Variants in CADM2 observed in about 807,000 individuals in gnomAD.
CADM2 encodes the protein immunoglobulin superfamily member 4D.
CADM2 carries 12 observed loss-of-function variants against 49.8 expected under a neutral mutation model. That is an observed-to-expected ratio of 0.24 (90% confidence interval 0.15 to 0.39). CADM2 has a LOEUF of 0.39. Among genes scored for constraint, CADM2 ranks in the 10% least tolerant of loss-of-function variants. CADM2 has a pLI of 1.00. For synonymous variants in CADM2, 214 were observed against 175.4 expected (o/e 1.22, Z -1.74); for missense variants, 378 against 492.3 (o/e 0.77, Z 2.20).
chr3:85,450,637 CTGTGAAATCT>C (rs1363998429), intron 1 of CADM2, among the ~76,000 whole-genome samples: 31 of 151,950 alleles, frequency 2.0e-4, no homozygotes, highest in South Asian at 4.1e-4. Flanking sequence ...TATTTTGCTC[CTGTGAAATCT>C]TGTGATTTTC....
At chr3:85,532,095 T>G (rs933907788) in intron 1 of CADM2, among the ~76,000 whole-genome samples, 2 of 152,100 alleles carry the variant, frequency 1.3e-5, no homozygotes, top group Admixed American at 6.6e-5. Context: ...GAGAATGGCG[T>G]GAACCCAGGA....
chr3:85,774,921 T>A (rs1432497891), intron 2 of CADM2, among the ~76,000 whole-genome samples: 1 of 151,680 alleles, frequency 6.6e-6, no homozygotes, highest in Non-Finnish European at 1.5e-5. Flanking sequence ...TGTATATAGT[T>A]AAATCATTGC....
chr3:85,694,486 A>G (rs1190095544), intron 1 of CADM2, among the ~76,000 whole-genome samples: 2 of 152,200 alleles, frequency 1.3e-5, no homozygotes, highest in African/African-American at 4.8e-5. Flanking sequence ...CAGAACTATG[A>G]GAAAATAAAT....
chr3:85,744,311 T>C (rs1214474597), intron 2 of CADM2, among the ~76,000 whole-genome samples: 2 of 152,130 alleles, frequency 1.3e-5, no homozygotes, highest in Non-Finnish European at 2.9e-5. Flanking sequence ...CACAATGGGG[T>C]AACTAAATTC....
At position 85,514,445 on chromosome 3, in the gene CADM2, A is replaced by G. The variant is rs997984211; in HGVS notation, c.62-212077A>G. Reference sequence around the variant, plus strand: ...ATTAGAGAATTCTGATCAAGGTTTTACTGGGCAGAGAATATCTTTGAAATG... The same window carrying G: ...ATTAGAGAATTCTGATCAAGGTTTTGCTGGGCAGAGAATATCTTTGAAATG... On this transcript the variant is annotated intron_variant, in intron 1 of 9. Transcript: ENST00000383699. Among the ~76,000 whole-genome samples the G allele has an allele frequency of 5.9e-5, 9 of 152,232 alleles. No individual in the cohort carries two copies. The East Asian group carries it at 1.7e-3, about 29-fold the overall frequency.
At chr3:85,502,406 G>C (rs1433310680) in intron 1 of CADM2, among the ~76,000 whole-genome samples, 1 of 151,964 alleles carries the variant, frequency 6.6e-6, no homozygotes, top group Non-Finnish European at 1.5e-5. Context: ...AAAAAGGAAA[G>C]GGAATGAGGG....
intron 1 of CADM2, among the ~76,000 whole-genome samples, chr3:85,207,490 T>G (rs977104496): frequency 6.6e-6 from 1 of 152,170 alleles, no homozygotes; most frequent in Non-Finnish European, 1.5e-5. Context: ...CTATTTCATA[T>G]CAGTTGCCAT....
intron 1 of CADM2, among the ~76,000 whole-genome samples, chr3:85,247,373 T>C (rs2042673217): frequency 6.6e-6 from 1 of 152,112 alleles, no homozygotes; most frequent in South Asian, 2.1e-4. Flanking sequence ...CTTTTTTCTA[T>C]TTTCCGATAA....
At chr3:85,492,125 A>G (rs749990702) in intron 1 of CADM2, among the ~76,000 whole-genome samples, 16 of 152,276 alleles carry the variant, frequency 1.1e-4, no homozygotes, top group Admixed American at 2.6e-4. Flanking sequence ...CTATTTTCCT[A>G]TCTTCTGAGA....
chr3:85,395,692 C>G (rs1284271392), intron 1 of CADM2, among the ~76,000 whole-genome samples: 1 of 151,860 alleles, frequency 6.6e-6, no homozygotes, highest in Non-Finnish European at 1.5e-5. Context: ...TTGAAAAAGC[C>G]CCTTGTGGCT....
intron 1 of CADM2, among the ~76,000 whole-genome samples, chr3:85,417,302 T>C (rs6549024): frequency 0.25 from 38,479 of 152,064 alleles, 5,041 homozygotes; most frequent in South Asian, 0.34. Flanking sequence ...GTTTGTTTTA[T>C]ACTTGTTCAT....
intron 1 of CADM2, among the ~76,000 whole-genome samples, chr3:85,090,609 A>T (rs758410668): frequency 6.6e-6 from 1 of 152,168 alleles, no homozygotes; most frequent in Non-Finnish European, 1.5e-5. Flanking sequence ...TTAACATTTG[A>T]TCTGAGAGTG....
At chr3:85,857,447 C>A (rs958825106) in intron 3 of CADM2, among the ~76,000 whole-genome samples, 4 of 152,098 alleles carry the variant, frequency 2.6e-5, no homozygotes, top group Non-Finnish European at 4.4e-5. Flanking sequence ...GTCCTCCGTG[C>A]CTACCATAAA....
At chr3:85,367,041 A>G (rs2032837345) in intron 1 of CADM2, among the ~76,000 whole-genome samples, 2 of 151,998 alleles carry the variant, frequency 1.3e-5, no homozygotes, top group South Asian at 4.1e-4. Flanking sequence ...TATTTCTCAA[A>G]TATTTCTGTG....
At chr3:85,549,992 T>C (rs1037046659) in intron 1 of CADM2, among the ~76,000 whole-genome samples, 7 of 152,058 alleles carry the variant, frequency 4.6e-5, no homozygotes, top group Non-Finnish European at 1.0e-4. Context: ...AACACATGTA[T>C]TTGTATATGT....
At chr3:85,594,367 TAAAC>T (rs1323812606) in intron 1 of CADM2, among the ~76,000 whole-genome samples, 2 of 151,902 alleles carry the variant, frequency 1.3e-5, no homozygotes, top group Non-Finnish European at 2.9e-5. Context: ...TTTATTTATT[TAAAC>T]AAAATATTGA....
intron 1 of CADM2, among the ~76,000 whole-genome samples, chr3:85,471,228 C>T (rs577229639): frequency 1.3e-5 from 2 of 152,200 alleles, no homozygotes; most frequent in South Asian, 4.2e-4. Context: ...CTACCATATT[C>T]CAGGATATTG....
At chr3:85,944,312 C>T (rs1029226190) in intron 7 of CADM2, among the ~76,000 whole-genome samples, 2 of 152,002 alleles carry the variant, frequency 1.3e-5, no homozygotes, top group African/African-American at 4.8e-5. Context: ...GACTCCCACA[C>T]AATAATAATG....
intron 1 of CADM2, among the ~76,000 whole-genome samples, chr3:85,190,039 C>T (rs1245909797): frequency 6.7e-6 from 1 of 148,296 alleles, no homozygotes; most frequent in African/African-American, 2.5e-5. Flanking sequence ...AGACAGACAC[C>T]CAGTGAGGGA....
Sources: allele counts gnomAD v4.1 joint callset (sites outside exome capture counted in the v4.1 genomes callset), GRCh38; gene constraint gnomAD v4.1.1; transcripts MANE v1.5; gene names NCBI Gene and HGNC (gene_info 2026-07-23, HGNC 2026-07-21).